Variants in NIM1K observed in about 807,000 individuals in gnomAD.
The protein encoded by NIM1K is NIM1 serine/threonine protein kinase.
A neutral mutation model predicts 37.1 loss-of-function variants in NIM1K; 35 were observed. The ratio of observed to expected loss-of-function variants is 0.94; its 90% confidence interval spans 0.72 to 1.25. The LOEUF is 1.25. Ranked by LOEUF, NIM1K falls within the 50% of genes most tolerant of loss-of-function variation. The probability of loss-of-function intolerance (pLI) is 0.00; values close to 1 mark genes in which losing one functional copy is unlikely to be tolerated. For synonymous variants in NIM1K, 234 were observed against 206.6 expected (o/e 1.13, Z -1.14); for missense variants, 564 against 548.0 (o/e 1.03, Z -0.29).
At chr5:43,277,815 TGAGAGA>T (rs34538655) in intron 3 of NIM1K, among the ~76,000 whole-genome samples, 12 of 128,980 alleles carry the variant, frequency 9.3e-5, no homozygotes, top group East Asian at 4.4e-4. Context: ...TGTGTGTGTG[TGAGAGA>T]GAGAGAGAGA....
In NIM1K at chr5:43,279,594, G is replaced by A. The variant is rs571986194; in HGVS notation, c.562-386G>A. Among the ~76,000 whole-genome samples the A allele has an allele frequency of 3.3e-5, 5 of 152,302 alleles. No homozygotes were observed. In the South Asian group the frequency reaches 1.0e-3, roughly 32 times the overall value. ...AAAGCATGGCCGGAAAGTCAGGGGA[G>A]GGCTCCAAGCCTTCCTGGTCAAACG... On this transcript the variant is annotated intron_variant, in intron 3 of 3. Transcript: ENST00000326035.
At chr5:43,270,638 G>A (rs57010329) in intron 2 of NIM1K, among the ~76,000 whole-genome samples, 4,870 of 152,208 alleles carry the variant, frequency 0.032, 291 homozygotes, top group African/African-American at 0.11. Flanking sequence ...TCTGCCAGGC[G>A]CTTTAAAGGG....
At chr5:43,214,016 G>A (rs1740058441) in intron 1 of NIM1K, among the ~76,000 whole-genome samples, 1 of 146,972 alleles carries the variant, frequency 6.8e-6, no homozygotes. Context: ...TTTTACCCAG[G>A]CTGGTCTTGA....
At chr5:43,200,211 G>A (rs1337307589) in intron 1 of NIM1K, among the ~76,000 whole-genome samples, 1 of 151,974 alleles carries the variant, frequency 6.6e-6, no homozygotes, top group Non-Finnish European at 1.5e-5. Context: ...ATTCTCAGAG[G>A]TGTCTTGGTT....
chr5:43,193,895 C>A (rs1452871995), intron 1 of NIM1K, among the ~76,000 whole-genome samples: 1 of 152,150 alleles, frequency 6.6e-6, no homozygotes. Flanking sequence ...TTCTCTTGTA[C>A]CCTCGTTGTC....
In NIM1K at chr5:43,243,972, C is replaced by T. The variant is rs534021703; in HGVS notation, c.-694-1110C>T. On this transcript the variant is annotated intron_variant, in intron 1 of 3. Coordinates refer to ENST00000326035, the MANE Select transcript of NIM1K (RefSeq NM_153361.4). The stretch of plus-strand genomic sequence containing the variant: ...GTGCTTAGTTACTGATACCTGGTCC[C>T]TTTTAAGCCTGTGTTCATCATCCTT... 1.7e-4 allele frequency among the ~76,000 whole-genome samples: 26 copies of T among 152,340 alleles called. No individual in the cohort carries two copies. In the South Asian group the frequency reaches 5.2e-3, roughly 30 times the overall value.
In NIM1K at chr5:43,280,849, C is replaced by A; in HGVS notation, c.*120C>A. 2.2e-6 allele frequency: 2 copies of A among 923,604 alleles called. No individual in the cohort carries two copies. The highest frequency in any genetic ancestry group is 3.2e-6 in the Non-Finnish European group (2 of 632,370). 57.2% of individuals were successfully genotyped at this position (923,604 alleles called of 1,614,324 possible). On this transcript the variant is annotated 3_prime_UTR_variant, in exon 4 of 4. Transcript: ENST00000326035. Reference sequence around the variant, plus strand: ...TAAATAAACTTAAATTTGAGATATGCATTTTTTTTCTCCAAAAAGTCTATT... The same window carrying A: ...TAAATAAACTTAAATTTGAGATATGAATTTTTTTTCTCCAAAAAGTCTATT...
At chr5:43,202,917 C>T (rs1423559888) in intron 1 of NIM1K, among the ~76,000 whole-genome samples, 1 of 152,214 alleles carries the variant, frequency 6.6e-6, no homozygotes, top group Non-Finnish European at 1.5e-5. Flanking sequence ...CCACGCTCAG[C>T]TTACCTGCTG....
intron 2 of NIM1K, among the ~76,000 whole-genome samples, chr5:43,270,563 G>C (rs1049873833): frequency 3.9e-4 from 60 of 152,196 alleles, no homozygotes; most frequent in Non-Finnish European, 5.7e-4. Flanking sequence ...GACTTGATGA[G>C]AGAAAAGAAG....
intron 1 of NIM1K, among the ~76,000 whole-genome samples, chr5:43,219,574 G>A (rs989523814): frequency 9.9e-5 from 15 of 152,062 alleles, no homozygotes; most frequent in African/African-American, 3.6e-4. Flanking sequence ...ATTTGGAGGG[G>A]ACAAATATCC....
At chr5:43,266,583 C>T (rs1023988521) in intron 2 of NIM1K, among the ~76,000 whole-genome samples, 1 of 152,226 alleles carries the variant, frequency 6.6e-6, no homozygotes, top group African/African-American at 2.4e-5. Flanking sequence ...TGAGGCGATG[C>T]CCTGCCCTAG....
chr5:43,220,951 C>A (rs1263254324), intron 1 of NIM1K, among the ~76,000 whole-genome samples: 1 of 152,118 alleles, frequency 6.6e-6, no homozygotes, highest in African/African-American at 2.4e-5. Flanking sequence ...TGCAGAGATG[C>A]CCTCTGCTCT....
chr5:43,269,948 G>A (rs146248761), intron 2 of NIM1K, among the ~76,000 whole-genome samples: 2 of 152,138 alleles, frequency 1.3e-5, no homozygotes, highest in African/African-American at 4.8e-5. Context: ...TATAGGCCCT[G>A]TGAGTTTTAT....
rs572327036 is a variant in NIM1K, at chr5:43,233,775, C to T, written c.-694-11307C>T. ...CTAAAAATAAACCATTAGCTGCAAA[C>T]GGGTATGAGTGTTCCCGCACCGTTT... On this transcript the variant is annotated intron_variant, in intron 1 of 3. Transcript: ENST00000326035. Among the ~76,000 whole-genome samples the T allele has an allele frequency of 6.6e-5, 10 of 152,320 alleles. No individual in the cohort carries two copies. The South Asian group carries it at 8.3e-4, about 13-fold the overall frequency.
intron 1 of NIM1K, among the ~76,000 whole-genome samples, chr5:43,238,258 G>C (rs1752649558): frequency 6.6e-6 from 1 of 151,758 alleles, no homozygotes; most frequent in African/African-American, 2.4e-5. Context: ...TAGCCAGGAT[G>C]GTCTTGATCT....
At chr5:43,248,690 A>C (rs1298077767) in intron 2 of NIM1K, among the ~76,000 whole-genome samples, 3 of 152,070 alleles carry the variant, frequency 2.0e-5, no homozygotes, top group Admixed American at 2.0e-4. Context: ...ATCCACAGTC[A>C]GCAAGCTGGA....
At chr5:43,211,128 C>A (rs566506190) in intron 1 of NIM1K, among the ~76,000 whole-genome samples, 1 of 151,982 alleles carries the variant, frequency 6.6e-6, no homozygotes, top group Non-Finnish European at 1.5e-5. Flanking sequence ...GCCGAGATTG[C>A]GCCACTGTAC....
At chr5:43,257,747 A>G (rs944553025) in intron 2 of NIM1K, among the ~76,000 whole-genome samples, 8 of 150,728 alleles carry the variant, frequency 5.3e-5, no homozygotes, top group Non-Finnish European at 1.2e-4. Context: ...CTTTTTTGTG[A>G]TGTTTTTTAT....
intron 1 of NIM1K, among the ~76,000 whole-genome samples, chr5:43,198,719 T>G (rs7726407): frequency 0.98 from 149,863 of 152,288 alleles, 73,794 homozygotes; most frequent in Middle Eastern, 1. Context: ...CTCATCTGTT[T>G]TGTGTGAAGC....
Sources: gnomAD v4.1 joint callset for allele counts (sites outside exome capture counted in the v4.1 genomes callset) on GRCh38, gnomAD v4.1.1 for gene constraint, MANE v1.5 for transcripts, NCBI Gene and HGNC (gene_info 2026-07-23, HGNC 2026-07-21) for gene names.